GNE: variants seen among roughly 807,000 people sequenced by gnomAD.
GNE encodes the protein glucosamine (UDP-N-acetyl)-2-epimerase/N-acetylmannosamine kinase, also known as bifunctional UDP-N-acetylglucosamine 2-epimerase/N-acetylmannosamine kinase.
In GNE, 41 loss-of-function variants were observed where a neutral mutation model predicts 61.8. The observed-to-expected ratio is 0.66, with a 90% CI of 0.52 to 0.86. The LOEUF (loss-of-function observed/expected upper bound fraction) is 0.86. Among genes scored for constraint, GNE ranks in the 40% least tolerant of loss-of-function variants. The pLI is 0.00. For synonymous variants in GNE, 264 were observed against 326.4 expected (o/e 0.81, Z 2.06); for missense variants, 608 against 909.1 (o/e 0.67, Z 4.26).
chr9:36,253,124 T>G (rs1303973870), intron 1 of GNE, among the ~76,000 whole-genome samples: 1 of 152,128 alleles, frequency 6.6e-6, no homozygotes, highest in Admixed American at 6.6e-5. Context: ...ATGGTGCCAC[T>G]GCACTCCAAC....
chr9:36,266,635 T>G (rs1485848836), intron 1 of GNE, among the ~76,000 whole-genome samples: 1 of 150,112 alleles, frequency 6.7e-6, no homozygotes, highest in Non-Finnish European at 1.5e-5. Context: ...TTAGGCTGGG[T>G]GCGGTGGCTC....
chr9:36,228,497 A>G (rs1828992990), intron 6 of GNE, among the ~76,000 whole-genome samples: 1 of 152,088 alleles, frequency 6.6e-6, no homozygotes, highest in African/African-American at 2.4e-5. Context: ...AATTAAGAGA[A>G]ACAAATAAAA....
chr9:36,264,463 G>A (rs1420016771), intron 1 of GNE, among the ~76,000 whole-genome samples: 2 of 152,066 alleles, frequency 1.3e-5, no homozygotes, highest in Non-Finnish European at 2.9e-5. Context: ...AAGATGCCCT[G>A]TTCCTTGCAT....
At chr9:36,273,508 C>T (rs1311227642) in intron 1 of GNE, among the ~76,000 whole-genome samples, 2 of 151,888 alleles carry the variant, frequency 1.3e-5, no homozygotes, top group Non-Finnish European at 1.5e-5. Context: ...TGAGCCACTG[C>T]GCCTGGCCAC....
chr9:36,257,695 C>T (rs1210065246), intron 1 of GNE, among the ~76,000 whole-genome samples: 1 of 145,146 alleles, frequency 6.9e-6, no homozygotes, highest in East Asian at 2.1e-4. Flanking sequence ...CCCAGCTACT[C>T]GGGAGGCTGA....
At chr9:36,265,710 G>A (rs1043171349) in intron 1 of GNE, 4 of 313,868 alleles carry the variant, frequency 1.3e-5, no homozygotes, top group East Asian at 7.7e-5. Context: ...AAGTGGGGGT[G>A]GGGATGGTTT....
In GNE at chr9:36,218,035, A is replaced by G. The variant is rs1446958331; in HGVS notation, c.1933+148T>C. 1 of 760,448 alleles carries G rather than the reference A, an allele frequency of 1.3e-6. No homozygotes were observed. The highest frequency in any genetic ancestry group is 1.7e-5 in the Admixed American group (1 of 57,732). 47.1% of individuals were successfully genotyped at this position (760,448 alleles called of 1,614,324 possible). On this transcript the variant is annotated intron_variant, in intron 11 of 11. Coordinates refer to ENST00000642385, the MANE Select transcript of GNE (RefSeq NM_005476.7). This position sits in a 1 kb window ranked among gnomAD's most constrained non-coding sequence, Gnocchi z 4.1. Reference sequence around the variant, plus strand: ...ATACCTTGAATCCAATTCCCTTTTTACCTCTGAGTAATTAGGAAAGAAACC... The same window carrying G: ...ATACCTTGAATCCAATTCCCTTTTTGCCTCTGAGTAATTAGGAAAGAAACC...
chr9:36,242,732 GTTTTTTTTTTT>G (rs34441447), intron 3 of GNE, among the ~76,000 whole-genome samples: 2 of 95,992 alleles, frequency 2.1e-5, no homozygotes, highest in Admixed American at 2.4e-4. Flanking sequence ...TTTTATGCTT[GTTTTTTTTTTT>G]TTTTTTTTTT....
chr9:36,249,283 G>A lies in GNE; in HGVS notation c.73C>T (p.Leu25Phe), dbSNP rs373398528. The stretch of plus-strand genomic sequence containing the variant: ...TTAATGCCAAACATGATCGGGGCAA[G>A]TTTAGAATAATCTGCACGGTTACAA... ...ATCNRADYSK[L>F]APIMFGIKTE... is the part of the protein sequence containing the mutation. Residue 25 changes from leucine to phenylalanine, a missense_variant, in exon 2 of 12, where the codon CTT becomes TTT. Coordinates refer to ENST00000642385, the MANE Select transcript of GNE (RefSeq NM_005476.7). 1.9e-6 allele frequency: 3 copies of A among 1,614,168 alleles called. No individual in the cohort carries two copies. The highest frequency in any genetic ancestry group is 1.3e-5 in the African/African-American group (1 of 75,058).
At chr9:36,245,923 A>C in intron 3 of GNE, 108 bp downstream of exon 3, 1 of 884,886 alleles carries the variant, frequency 1.1e-6, no homozygotes, top group Non-Finnish European at 1.8e-6. Flanking sequence ...TGGCCTTCTC[A>C]TTGCTAACAG....
rs551316053 is a variant in GNE, at chr9:36,214,718, C to T, written c.*2647G>A. ...AGAGATTACACCAAAGAACAGATGT[C>T]CCTTCCCAGAACATTATCTCACCCC... On this transcript the variant is annotated 3_prime_UTR_variant, in exon 12 of 12. Transcript: ENST00000642385. 6 of 152,286 alleles carry T rather than the reference C, an allele frequency of 3.9e-5. No individual in the cohort carries two copies. The South Asian group carries it at 1.2e-3, about 32-fold the overall frequency. 9.4% of individuals were successfully genotyped at this position (152,286 alleles called of 1,614,324 possible).
rs1278791611 is a variant in GNE, at chr9:36,217,118, CTG to C, written c.*245_*246del. The C allele has an allele frequency of 2.4e-5, 13 of 532,962 alleles. No individual in the cohort carries two copies. The highest frequency in any genetic ancestry group is 5.1e-4 in the Middle Eastern group (1 of 1,978). The allele number at this position is 532,962 out of a possible 1,614,324, so 33.0% of individuals were successfully genotyped here. A position where few individuals can be genotyped will look rare whatever the true frequency, so the allele number is the denominator to read the frequency against. On this transcript the variant is annotated 3_prime_UTR_variant, in exon 12 of 12. Coordinates refer to ENST00000642385, the MANE Select transcript of GNE (RefSeq NM_005476.7). ...GCTGCTTTGGCACAGAAAATTGTGA[CTG>C]TAACTTACAGGGTTTGAGCTAAAAT...
chr9:36,245,644 A>G (rs1404933945), intron 3 of GNE, among the ~76,000 whole-genome samples: 1 of 152,226 alleles, frequency 6.6e-6, no homozygotes, highest in African/African-American at 2.4e-5. Flanking sequence ...ACTGCACTCC[A>G]GCCTAGGCAA....
At chr9:36,242,732 G>GTTT (rs34441447) in intron 3 of GNE, among the ~76,000 whole-genome samples, 27 of 95,994 alleles carry the variant, frequency 2.8e-4, no homozygotes, top group East Asian at 8.7e-4. Context: ...TTTTATGCTT[G>GTTT]TTTTTTTTTT....
chr9:36,233,806 C>T (rs572017892), intron 5 of GNE, 114 bp downstream of exon 5: 29 of 846,890 alleles, frequency 3.4e-5, no homozygotes, highest in Middle Eastern at 2.6e-4. Context: ...GGTTATTAAC[C>T]TCATTCACTC....
intron 3 of GNE, 45 bp from the exon 4 acceptor site, chr9:36,237,029 C>T: frequency 1.3e-6 from 2 of 1,513,832 alleles, no homozygotes; most frequent in African/African-American, 1.4e-5. Flanking sequence ...AGTTAAGAAT[C>T]TTAAAAGAGA....
chr9:36,237,039 A>G (rs1829425392), intron 3 of GNE, 55 bp from the exon 4 acceptor site: 16 of 1,401,330 alleles, frequency 1.1e-5, no homozygotes, highest in Non-Finnish European at 1.5e-5. Flanking sequence ...CTTAAAAGAG[A>G]AAGAAGCAAA....
rs375794259 is a variant in GNE, at chr9:36,242,732, G to GCTTTTT, written c.616+3298_616+3299insAAAAAG. 2.0e-4 allele frequency among the ~76,000 whole-genome samples: 19 copies of GCTTTTT among 95,998 alleles called. 7 individuals are homozygous for GCTTTTT. Among genetic ancestry groups the GCTTTTT allele is most frequent in the Non-Finnish European group, 9.8e-5 (5 of 50,774 alleles). The allele number at this position is 95,998 out of a possible 152,430, so 63.0% of individuals were successfully genotyped here. ...CGCATCTGGCCTGGGTTTTATGCTT[G>GCTTTTT]TTTTTTTTTTTTTTTTTTTTTTTGA... is the stretch of plus-strand genomic sequence containing the variant. On this transcript the variant is annotated intron_variant, in intron 3 of 11. Coordinates refer to ENST00000642385, the MANE Select transcript of GNE (RefSeq NM_005476.7).
chr9:36,256,833 C>T (rs1830372294), intron 1 of GNE, among the ~76,000 whole-genome samples: 1 of 152,214 alleles, frequency 6.6e-6, no homozygotes. Context: ...TCATTTCATC[C>T]TCACAGCCCT....
Sources: gnomAD v4.1 joint callset for allele counts (sites outside exome capture counted in the v4.1 genomes callset) on GRCh38, gnomAD v4.1.1 for gene constraint, Gnocchi (gnomAD v3.1) non-coding constraint, MANE v1.5 for transcripts, NCBI Gene and HGNC (gene_info 2026-07-23, HGNC 2026-07-21) for gene names.